F2R: variants seen among roughly 807,000 people sequenced by gnomAD.
F2R encodes the protein proteinase-activated receptor 1.
In F2R, 12 loss-of-function variants were observed where a neutral mutation model predicts 18.3. The observed-to-expected ratio is 0.66, with a 90% CI of 0.42 to 1.06. The LOEUF (loss-of-function observed/expected upper bound fraction) is 1.06, where lower values mean the gene tolerates loss of function less well. Ranked by LOEUF, F2R falls within the 50% of genes least tolerant of loss-of-function variation. F2R has a pLI of 0.00. For missense variants in F2R, 438 were observed against 530.8 expected, an observed-to-expected ratio of 0.83 and a Z score of 1.72; for synonymous variants, 210 against 219.9, an observed-to-expected ratio of 0.95 and a Z score of 0.40.
chr5:76,722,858 G>A (rs1233569574), intron 1 of F2R, among the ~76,000 whole-genome samples: 2 of 151,990 alleles, frequency 1.3e-5, no homozygotes, highest in Admixed American at 1.3e-4. Flanking sequence ...GGCTGAGGCA[G>A]GAGAATCTCT....
intron 1 of F2R, 28 bp downstream of exon 1, chr5:76,716,423 C>T: frequency 7.1e-7 from 1 of 1,408,466 alleles, no homozygotes; most frequent in Non-Finnish European, 9.2e-7. Flanking sequence ...ATGGGGTGCG[C>T]GGGCGGAGGG....
At chr5:76,722,339 G>A (rs1348244589) in intron 1 of F2R, among the ~76,000 whole-genome samples, 2 of 152,132 alleles carry the variant, frequency 1.3e-5, no homozygotes, top group Non-Finnish European at 2.9e-5. Flanking sequence ...ACTTTTCTTG[G>A]AGAACAGACC....
chr5:76,733,860 CTT>C lies in F2R; in HGVS notation c.*359_*360del, dbSNP rs1748731784. The C allele has an allele frequency of 5.5e-6, 1 of 182,940 alleles. No homozygotes were observed. The highest frequency in any genetic ancestry group is 1.2e-5 in the Non-Finnish European group (1 of 86,942). The allele number at this position is 182,940 out of a possible 1,614,324, so 11.3% of individuals were successfully genotyped here. On this transcript the variant is annotated 3_prime_UTR_variant, in exon 2 of 2. Transcript: ENST00000319211. ...TATAGAATAGGCACTTTAAAACACT[CTT>C]TCCCCGCACCCCAGCAATTATGAAA...
At chr5:76,725,129 T>C (rs1390459465) in intron 1 of F2R, among the ~76,000 whole-genome samples, 2 of 152,224 alleles carry the variant, frequency 1.3e-5, no homozygotes, top group African/African-American at 4.8e-5. Context: ...TGTCATGGAA[T>C]GCTGGTGTGG....
rs1043602686 is a variant in F2R at position 76,733,430 on chromosome 5, A to G, written c.1205A>G (p.Gln402Arg). 3 of 1,614,102 alleles carry G rather than the reference A, an allele frequency of 1.9e-6. No individual in the cohort carries two copies. The African/African-American group carries it at 4.0e-5, about 22-fold the overall frequency. The change falls in exon 2 of 2, where the codon CAG (glutamine) becomes CGG (arginine). Residue 402 changes from glutamine (Q) to arginine (R), a missense_variant. Coordinates refer to ENST00000319211, the MANE Select transcript of F2R (RefSeq NM_001992.5). Reference sequence around the variant, plus strand: ...CCCAGCAGTTATAACAGCAGTGGGCAGTTGATGGCAAGTAAAATGGATACC... The same window carrying G: ...CCCAGCAGTTATAACAGCAGTGGGCGGTTGATGGCAAGTAAAATGGATACC... ...SDPSSYNSSGQLMASKMDTCS... is the reference protein window; with the variant it reads ...SDPSSYNSSGRLMASKMDTCS...
Position 76,716,888 on chromosome 5 carries a change from C to T in F2R, c.88+493C>T, listed in dbSNP as rs886895277. On this transcript the variant is annotated intron_variant, in intron 1 of 1. Transcript: ENST00000319211. The stretch of plus-strand genomic sequence containing the variant: ...GATGTAGAGAAAAGCCCAGGCAGTC[C>T]CTTGGCATGTTTAGCAGAGAATCAG... 6.0e-6 allele frequency: 3 copies of T among 496,494 alleles called. No individual in the cohort carries two copies. The African/African-American group carries it at 6.1e-5, about 10-fold the overall frequency. The allele number at this position is 496,494 out of a possible 1,614,324, so 30.8% of individuals were successfully genotyped here.
At chr5:76,724,542 A>G (rs912838766) in intron 1 of F2R, among the ~76,000 whole-genome samples, 10 of 124,434 alleles carry the variant, frequency 8.0e-5, no homozygotes, top group African/African-American at 2.6e-4. Flanking sequence ...TTATTTGTCA[A>G]AGAAACTAAG....
At chr5:76,730,582 A>T (rs1172213105) in intron 1 of F2R, among the ~76,000 whole-genome samples, 1 of 152,226 alleles carries the variant, frequency 6.6e-6, no homozygotes, top group African/African-American at 2.4e-5. Flanking sequence ...TCTCCTGCAG[A>T]TTCTCCAGTG....
In F2R at chr5:76,733,882, A is replaced by G. The variant is rs1304105311; in HGVS notation, c.*379A>G. 2.3e-5 allele frequency: 4 copies of G among 174,552 alleles called. No individual in the cohort carries two copies. Among genetic ancestry groups the G allele is most frequent in the Admixed American group, 1.1e-4 (2 of 17,998 alleles). The allele number at this position is 174,552 out of a possible 1,614,324, so 10.8% of individuals were successfully genotyped here. On this transcript the variant is annotated 3_prime_UTR_variant, in exon 2 of 2. Transcript: ENST00000319211. ...ACTCTTTCCCCGCACCCCAGCAATT[A>G]TGAAAATAATCTCTGATTCCCTGAT...
chr5:76,716,963 G>A (rs1463839910), intron 1 of F2R, among the ~76,000 whole-genome samples: 1 of 152,184 alleles, frequency 6.6e-6, no homozygotes, highest in East Asian at 1.9e-4. Flanking sequence ...CGCAGGGTGC[G>A]AGATATATGG....
intron 1 of F2R, 84 bp downstream of exon 1, chr5:76,716,479 C>A: frequency 2.6e-6 from 3 of 1,174,086 alleles, no homozygotes; most frequent in Non-Finnish European, 2.3e-6. Context: ...CTTCTCCTCA[C>A]CCCTGCCTCA....
At chr5:76,720,490 AAAAAT>A (rs1395976988) in intron 1 of F2R, among the ~76,000 whole-genome samples, 3 of 152,140 alleles carry the variant, frequency 2.0e-5, no homozygotes, top group Non-Finnish European at 4.4e-5. Flanking sequence ...TTTAAATTTA[AAAAAT>A]AAAATAATAA....
At chr5:76,721,163 A>G (rs1232938022) in intron 1 of F2R, among the ~76,000 whole-genome samples, 1 of 152,158 alleles carries the variant, frequency 6.6e-6, no homozygotes, top group Non-Finnish European at 1.5e-5. Flanking sequence ...ACTCACAAAA[A>G]CATCCTTGTT....
chr5:76,728,994 A>G (rs253072), intron 1 of F2R, among the ~76,000 whole-genome samples: 59,935 of 151,990 alleles, frequency 0.39, 12,167 homozygotes, highest in East Asian at 0.55. Context: ...CCCAGCCAGC[A>G]TCCTAATTTT....
intron 1 of F2R, among the ~76,000 whole-genome samples, chr5:76,730,653 A>G (rs1018539920): frequency 1.3e-5 from 2 of 152,026 alleles, no homozygotes; most frequent in African/African-American, 4.8e-5. Flanking sequence ...CTCTAATATA[A>G]CTCAATTCTG....
chr5:76,728,016 G>C (rs773636578), intron 1 of F2R, among the ~76,000 whole-genome samples: 2 of 151,392 alleles, frequency 1.3e-5, no homozygotes, highest in South Asian at 2.1e-4. Flanking sequence ...GCTTCCCAAA[G>C]TGTTGAGATT....
At chr5:76,716,623 C>A (rs1748348586) in intron 1 of F2R, 1 of 731,274 alleles carries the variant, frequency 1.4e-6, no homozygotes, top group Non-Finnish European at 2.5e-6. Flanking sequence ...GGGTGCAGCC[C>A]GCCTGCCACG....
In F2R at chr5:76,733,797, G is replaced by T; in HGVS notation, c.*294G>T. ...TATACATACTTACATGTGTGTATAT[G>T]TAGATGTATGCACACACATATATTA... On this transcript the variant is annotated 3_prime_UTR_variant, in exon 2 of 2. Transcript: ENST00000319211. The T allele has an allele frequency of 2.7e-6, 1 of 370,014 alleles. No individual in the cohort carries two copies. Among genetic ancestry groups the T allele is most frequent in the Non-Finnish European group, 5.0e-6 (1 of 201,332 alleles). 22.9% of individuals were successfully genotyped at this position (370,014 alleles called of 1,614,324 possible).
At chr5:76,726,114 G>A (rs991829440) in intron 1 of F2R, among the ~76,000 whole-genome samples, 2 of 152,222 alleles carry the variant, frequency 1.3e-5, no homozygotes, top group African/African-American at 4.8e-5. Flanking sequence ...CCTTGGCCAG[G>A]TGCAGTGGCT....
Sources: gnomAD v4.1 joint callset for allele counts (sites outside exome capture counted in the v4.1 genomes callset) on GRCh38, gnomAD v4.1.1 for gene constraint, MANE v1.5 for transcripts, NCBI Gene and HGNC (gene_info 2026-07-23, HGNC 2026-07-21) for gene names.